BBS9: variants seen among roughly 807,000 people sequenced by gnomAD.
BBS9 encodes Bardet-Biedl syndrome 9.
A neutral mutation model predicts 117.7 loss-of-function variants in BBS9; 89 were observed. The observed-to-expected ratio is 0.76, with a 90% confidence interval of 0.64 to 0.90. The LOEUF (loss-of-function observed/expected upper bound fraction) is 0.90. Among genes scored for constraint, BBS9 ranks in the 40% least tolerant of loss-of-function variants. BBS9 has a pLI of 0.00. For missense variants in BBS9, 982 were observed against 1,042.2 expected, an observed-to-expected ratio of 0.94 and a Z score of 0.80; for synonymous variants, 379 against 370.9, an observed-to-expected ratio of 1.02 and a Z score of -0.25.
chr7:33,172,892 C>T (rs1314125422), intron 4 of BBS9, among the ~76,000 whole-genome samples: 1 of 152,150 alleles, frequency 6.6e-6, no homozygotes, highest in Non-Finnish European at 1.5e-5. Flanking sequence ...AGAAAGGCAC[C>T]TTAATCAAAG....
chr7:33,285,049 T>C (rs1018093957), intron 9 of BBS9, among the ~76,000 whole-genome samples: 1 of 152,196 alleles, frequency 6.6e-6, no homozygotes, highest in Non-Finnish European at 1.5e-5. Flanking sequence ...TAATCTCTGT[T>C]CTTTACTTGG....
intron 19 of BBS9, among the ~76,000 whole-genome samples, chr7:33,435,347 G>T (rs950357076): frequency 1.3e-5 from 2 of 152,138 alleles, no homozygotes; most frequent in Non-Finnish European, 2.9e-5. Context: ...TCAAGGATTT[G>T]TTAAATCTTT....
intron 21 of BBS9, among the ~76,000 whole-genome samples, chr7:33,631,162 T>C: frequency 6.6e-6 from 1 of 151,990 alleles, no homozygotes. Context: ...GAGTGGTAAG[T>C]TGGAGGAAAG....
downstream of BBS9, among the ~76,000 whole-genome samples, chr7:33,609,022 G>T (rs1864732511): frequency 2.0e-5 from 3 of 152,010 alleles, no homozygotes. Flanking sequence ...TCCATTTTGA[G>T]TTAATTTTTG....
intron 9 of BBS9, among the ~76,000 whole-genome samples, chr7:33,281,366 C>CTT (rs397890694): frequency 9.9e-3 from 436 of 43,878 alleles, no homozygotes; most frequent in East Asian, 0.011. Flanking sequence ...TGGTCTATGC[C>CTT]TTTTTTTTTT....
intron 20 of BBS9, among the ~76,000 whole-genome samples, chr7:33,529,525 T>C (rs1005641316): frequency 1.3e-5 from 2 of 152,098 alleles, no homozygotes; most frequent in African/African-American, 2.4e-5. Flanking sequence ...TAAGTTAATT[T>C]CCAATAACGA....
At chr7:33,542,777 A>G (rs962686899) in intron 21 of BBS9, among the ~76,000 whole-genome samples, 2 of 138,102 alleles carry the variant, frequency 1.4e-5, no homozygotes, top group African/African-American at 2.7e-5. Context: ...ATGTGAGTAT[A>G]TATATATATA....
At chr7:33,238,890 C>T (rs1793999913) in intron 5 of BBS9, among the ~76,000 whole-genome samples, 1 of 152,038 alleles carries the variant, frequency 6.6e-6, no homozygotes, top group Non-Finnish European at 1.5e-5. Flanking sequence ...CTGTGGTATA[C>T]CCCTATTAGT....
intron 21 of BBS9, among the ~76,000 whole-genome samples, chr7:33,587,825 G>T (rs1302175549): frequency 6.6e-6 from 1 of 152,068 alleles, no homozygotes; most frequent in Non-Finnish European, 1.5e-5. Context: ...AAATGTTTAT[G>T]TTACCAGAGT....
chr7:33,585,443 T>A (rs1303208413), intron 21 of BBS9, among the ~76,000 whole-genome samples: 1 of 152,080 alleles, frequency 6.6e-6, no homozygotes, highest in East Asian at 1.9e-4. Flanking sequence ...AATGGGATAG[T>A]TTAGACTTGA....
intron 5 of BBS9, among the ~76,000 whole-genome samples, chr7:33,208,678 C>T (rs1294102219): frequency 6.6e-6 from 1 of 152,130 alleles, no homozygotes; most frequent in Admixed American, 6.5e-5. Flanking sequence ...ATGGTGAAGG[C>T]AGCAAATGTT....
chr7:33,263,562 C>G (rs1176267338), intron 6 of BBS9, among the ~76,000 whole-genome samples: 1 of 151,978 alleles, frequency 6.6e-6, no homozygotes, highest in African/African-American at 2.4e-5. Context: ...GAGCTAAATG[C>G]CACTATTGAA....
intron 19 of BBS9, among the ~76,000 whole-genome samples, chr7:33,422,427 C>T (rs1832997835): frequency 6.6e-6 from 1 of 152,038 alleles, no homozygotes; most frequent in South Asian, 2.1e-4. Flanking sequence ...AACTTCTAGC[C>T]CATTTTTAGA....
intron 20 of BBS9, among the ~76,000 whole-genome samples, chr7:33,511,603 A>G (rs1389804515): frequency 6.6e-6 from 1 of 152,206 alleles, no homozygotes; most frequent in Non-Finnish European, 1.5e-5. Context: ...CTTCCCTAGT[A>G]CTGAACTTAA....
At chr7:33,368,653 C>A (rs1014589139) in intron 17 of BBS9, among the ~76,000 whole-genome samples, 2 of 150,270 alleles carry the variant, frequency 1.3e-5, no homozygotes, top group African/African-American at 4.9e-5. Context: ...TCAGGACATT[C>A]CAATTAAAAA....
Position 33,240,041 on chromosome 7 carries a change from C to T in BBS9, c.443-17195C>T, listed in dbSNP as rs1037115133. ...TAAAGATTTGGTTTACAGTAGGGCTCCAGTTTTCCCCCCAAACATTTATCC... is the reference window on the plus strand; with the variant it reads ...TAAAGATTTGGTTTACAGTAGGGCTTCAGTTTTCCCCCCAAACATTTATCC... On this transcript the variant is annotated intron_variant, in intron 5 of 22. Transcript: ENST00000242067. 2.2e-4 allele frequency among the ~76,000 whole-genome samples: 33 copies of T among 152,150 alleles called. 1 individual carries two copies. The highest frequency in any genetic ancestry group is 6.7e-4 in the African/African-American group (28 of 41,514).
intron 19 of BBS9, among the ~76,000 whole-genome samples, chr7:33,408,631 G>T (rs1372894946): frequency 3.3e-5 from 5 of 152,306 alleles, no homozygotes; most frequent in South Asian, 2.1e-4. Flanking sequence ...TACCTGAGTT[G>T]ATTCCATGTC....
At chr7:33,607,861 C>A (rs907325393), downstream of BBS9, among the ~76,000 whole-genome samples, 4 of 151,596 alleles carry the variant, frequency 2.6e-5, no homozygotes, top group Admixed American at 1.3e-4. Flanking sequence ...TTTTAAATAG[C>A]CATGCAATTG....
At chr7:33,258,736 C>T (rs1420978752) in intron 6 of BBS9, among the ~76,000 whole-genome samples, 1 of 152,120 alleles carries the variant, frequency 6.6e-6, no homozygotes, top group Non-Finnish European at 1.5e-5. Flanking sequence ...ATGCTAGAGC[C>T]ACAGTACAAA....
Sources: allele counts gnomAD v4.1 joint callset (sites outside exome capture counted in the v4.1 genomes callset), GRCh38; gene constraint gnomAD v4.1.1; transcripts MANE v1.5; gene names NCBI Gene and HGNC (gene_info 2026-07-23, HGNC 2026-07-21).